Variants in SPINT2 observed in about 807,000 individuals in gnomAD.
SPINT2 encodes serine peptidase inhibitor, Kunitz type 2, also known as kunitz-type protease inhibitor 2.
A neutral mutation model predicts 30.1 loss-of-function variants in SPINT2; 18 were observed. That is an observed-to-expected ratio of 0.60 (90% CI 0.41 to 0.89). The LOEUF (loss-of-function observed/expected upper bound fraction) is 0.89. Among genes scored for constraint, SPINT2 ranks in the 40% least tolerant of loss-of-function variants. The probability of loss-of-function intolerance (pLI) is 0.00; values close to 1 mark genes in which losing one functional copy is unlikely to be tolerated. For synonymous variants in SPINT2, 139 were observed against 137.9 expected, an observed-to-expected ratio of 1.01 and a Z score of -0.05; for missense variants, 276 against 334.3, an observed-to-expected ratio of 0.83 and a Z score of 1.36.
In SPINT2 at chr19:38,264,907, C is replaced by G; in HGVS notation, c.15C>G (p.Cys5Trp). 6.5e-7 allele frequency: 1 copy of G among 1,534,942 alleles called. No individual in the cohort carries two copies. Among genetic ancestry groups the G allele is most frequent in the African/African-American group, 1.4e-5 (1 of 73,034 alleles). The stretch of plus-strand genomic sequence containing the variant: ...CTGAGCTGGCCATGGCGCAGCTGTG[C>G]GGGCTGAGGCGGAGCCGGGCGTTTC... MAQL[C>W]GLRRSRAFLA... Residue 5 changes from cysteine (C) to tryptophan (W), a missense_variant, in exon 1 of 7, where the codon TGC becomes TGG. Coordinates refer to ENST00000301244, the MANE Select transcript of SPINT2 (RefSeq NM_021102.4).
intron 1 of SPINT2, among the ~76,000 whole-genome samples, chr19:38,279,376 A>G (rs1307956654): frequency 6.6e-6 from 1 of 151,836 alleles, no homozygotes; most frequent in Non-Finnish European, 1.5e-5. Context: ...GCAGTCCTAT[A>G]ATCCCAGCTA....
intron 3 of SPINT2, chr19:38,288,881 ATAT>A (rs1968675551): frequency 3.9e-6 from 2 of 513,330 alleles, no homozygotes; most frequent in Non-Finnish European, 7.1e-6. Flanking sequence ...GTTCCCTATA[ATAT>A]TAGGAGCTGT....
chr19:38,287,487 G>A (rs573164606), intron 2 of SPINT2, among the ~76,000 whole-genome samples: 12 of 152,080 alleles, frequency 7.9e-5, no homozygotes, highest in African/African-American at 1.4e-4. Context: ...GTAAGCCACC[G>A]CACCCGGCCC....
At chr19:38,284,993 G>A (rs1294873069) in intron 2 of SPINT2, among the ~76,000 whole-genome samples, 3 of 152,134 alleles carry the variant, frequency 2.0e-5, no homozygotes, top group African/African-American at 7.2e-5. Flanking sequence ...TGGGATTACA[G>A]GTGTAAGCCA....
intron 1 of SPINT2, among the ~76,000 whole-genome samples, chr19:38,278,006 T>C (rs1968539552): frequency 6.6e-6 from 1 of 152,226 alleles, no homozygotes; most frequent in South Asian, 2.1e-4. Flanking sequence ...GTCATATTTT[T>C]CATGATTGCT....
At chr19:38,276,758 T>C (rs1276392962) in intron 1 of SPINT2, among the ~76,000 whole-genome samples, 2 of 152,166 alleles carry the variant, frequency 1.3e-5, no homozygotes, top group Non-Finnish European at 2.9e-5. Context: ...TGTGATTGAA[T>C]GAGGGGTATG....
Position 38,283,631 on chromosome 19 carries a change from C to T in SPINT2, c.111C>T (p.Phe37=). Reference sequence around the variant, plus strand: ...GGGTTGTGCTTCGCGTTTCAGACTTCTGCCTGGTGTCGAAGGTGGTGGGCA... The same window carrying T: ...GGGTTGTGCTTCGCGTTTCAGACTTTTGCCTGGTGTCGAAGGTGGTGGGCA... The part of the protein sequence containing the change: ...AADRERSIHD[F]CLVSKVVGRC... The change falls in exon 2 of 7, where the codon TTC becomes TTT. Residue 37 remains phenylalanine (F), a synonymous_variant. Transcript: ENST00000301244. The T allele has an allele frequency of 6.2e-7, 1 of 1,614,056 alleles. No individual in the cohort carries two copies. Among genetic ancestry groups the T allele is most frequent in the Non-Finnish European group, 8.5e-7 (1 of 1,180,008 alleles).
rs1205203872 is a variant in SPINT2, at chr19:38,292,113, G to C, written c.*107G>C. Reference sequence around the variant, plus strand: ...TGAGTGATCATTAGGGCTGAGGTCTGTTTCTCTGGGAGGTAGGACGGCTGC... The same window carrying C: ...TGAGTGATCATTAGGGCTGAGGTCTCTTTCTCTGGGAGGTAGGACGGCTGC... On this transcript the variant is annotated 3_prime_UTR_variant, in exon 7 of 7. Transcript: ENST00000301244. 1.4e-6 allele frequency: 2 copies of C among 1,474,152 alleles called. No individual in the cohort carries two copies. The highest frequency in any genetic ancestry group is 2.8e-5 in the African/African-American group (2 of 71,866). The allele number at this position is 1,474,152 out of a possible 1,614,324, so 91.3% of individuals were successfully genotyped here.
chr19:38,291,761 C>T, intron 6 of SPINT2, 79 bp from the exon 7 acceptor site: 9 of 1,546,128 alleles, frequency 5.8e-6, no homozygotes, highest in South Asian at 1.2e-5. Flanking sequence ...CACCTGGATT[C>T]CCCAGGCCCT....
At chr19:38,271,692 C>T (rs888423205) in intron 1 of SPINT2, among the ~76,000 whole-genome samples, 5 of 151,636 alleles carry the variant, frequency 3.3e-5, no homozygotes, top group Non-Finnish European at 5.9e-5. Context: ...AAAAATTAGC[C>T]GGGTGCAGTG....
Sources: allele counts gnomAD v4.1 joint callset (sites outside exome capture counted in the v4.1 genomes callset), GRCh38; gene constraint gnomAD v4.1.1; transcripts MANE v1.5; gene names NCBI Gene and HGNC (gene_info 2026-07-23, HGNC 2026-07-21).